The following BRD10 variants were observed in gnomAD, a reference collection of about 807,000 sequenced individuals.
The protein encoded by BRD10 is uncharacterized bromodomain-containing protein 10.
At chr9:5,912,500 G>C in the BRD10 span, among the ~76,000 whole-genome samples, 1 of 152,114 alleles carries the variant, frequency 6.6e-6, no homozygotes, top group Non-Finnish European at 1.5e-5. Context: ...GAAATATTAA[G>C]ACATTGCCAT....
chr9:5,973,718 A>G, the BRD10 span, among the ~76,000 whole-genome samples: 6 of 151,970 alleles, frequency 3.9e-5, no homozygotes, highest in African/African-American at 1.5e-4. Flanking sequence ...GCGAGATTTC[A>G]TCTCTTAAAA....
chr9:5,891,312 G>A, the BRD10 span: 3 of 152,230 alleles, frequency 2.0e-5, no homozygotes, highest in Non-Finnish European at 4.4e-5. Flanking sequence ...GGTATGGGAT[G>A]TATTAAAACA....
At chr9:5,987,501 T>C in the BRD10 span, among the ~76,000 whole-genome samples, 6 of 152,084 alleles carry the variant, frequency 3.9e-5, no homozygotes, top group Admixed American at 3.9e-4. Flanking sequence ...TGTGAAGCTC[T>C]GCACAAGGAA....
At chr9:5,917,392 A>T in the BRD10 span, among the ~76,000 whole-genome samples, 2 of 152,326 alleles carry the variant, frequency 1.3e-5, no homozygotes, top group East Asian at 1.9e-4. Context: ...AGTGAACAAG[A>T]GGGAGAACAG....
the BRD10 span, among the ~76,000 whole-genome samples, chr9:5,940,224 A>G: frequency 6.6e-6 from 1 of 152,062 alleles, no homozygotes. Flanking sequence ...CCCAGGCTGG[A>G]GTGCACTGGT....
chr9:6,007,365 C>G, the BRD10 span: 1 of 1,613,298 alleles, frequency 6.2e-7, no homozygotes, highest in South Asian at 1.1e-5. Flanking sequence ...TCTCTTCCAT[C>G]TGCAGCAGAC....
At chr9:5,975,354 G>T in the BRD10 span, among the ~76,000 whole-genome samples, 1 of 145,278 alleles carries the variant, frequency 6.9e-6, no homozygotes, top group East Asian at 2.0e-4. Context: ...CAGAAGAATC[G>T]CTTGAACCTG....
At chr9:5,935,280 C>A in the BRD10 span, among the ~76,000 whole-genome samples, 1 of 152,174 alleles carries the variant, frequency 6.6e-6, no homozygotes, top group Non-Finnish European at 1.5e-5. Flanking sequence ...GTATATCCAA[C>A]ATTTCCATTA....
chr9:5,883,055 T>G, the BRD10 span, among the ~76,000 whole-genome samples: 2 of 152,084 alleles, frequency 1.3e-5, no homozygotes, highest in Non-Finnish European at 2.9e-5. Flanking sequence ...ATATACCTAA[T>G]GTAAATGACG....
the BRD10 span, chr9:5,924,635 T>TA: frequency 4.2e-4 from 594 of 1,404,638 alleles, no homozygotes; most frequent in African/African-American, 1.0e-3. Context: ...AGTGTTGACT[T>TA]AAAAAAAAAG....
At chr9:6,000,422 C>T in the BRD10 span, among the ~76,000 whole-genome samples, 134,702 of 152,126 alleles carry the variant, frequency 0.89, 60,709 homozygotes, top group Non-Finnish European at 0.99. Context: ...CTTACAGAGA[C>T]AGCCTAAAGA....
chr9:6,008,175 G>C, the BRD10 span: 3 of 975,620 alleles, frequency 3.1e-6, no homozygotes, highest in South Asian at 4.7e-5. Context: ...CGGGGGGCTG[G>C]GAGGGGGCGA....
chr9:5,947,467 T>C, the BRD10 span, among the ~76,000 whole-genome samples: 1 of 152,146 alleles, frequency 6.6e-6, no homozygotes, highest in African/African-American at 2.4e-5. Context: ...GAATTAAATG[T>C]ACGATAAGAC....
chr9:5,968,366 G>C, the BRD10 span: 1 of 1,610,376 alleles, frequency 6.2e-7, no homozygotes, highest in South Asian at 1.1e-5. Context: ...TATTCTGGAA[G>C]CTTCACCGTA....
chr9:5,951,341 C>A, the BRD10 span, among the ~76,000 whole-genome samples: 5 of 137,832 alleles, frequency 3.6e-5, no homozygotes, highest in South Asian at 7.0e-4. Context: ...AAAAAAAAAA[C>A]TTCACAATTT....
At chr9:5,921,979 T>A in the BRD10 span, 2 of 1,612,362 alleles carry the variant, frequency 1.2e-6, no homozygotes, top group Non-Finnish European at 1.7e-6. Flanking sequence ...ATGTAGTAGT[T>A]GTTCCAGCTA....
At chr9:5,995,996 G>A in the BRD10 span, among the ~76,000 whole-genome samples, 1 of 152,104 alleles carries the variant, frequency 6.6e-6, no homozygotes, top group African/African-American at 2.4e-5. Context: ...GGAGATTTGG[G>A]CTAGAAATAT....
the BRD10 span, among the ~76,000 whole-genome samples, chr9:5,953,128 TCTAA>T: frequency 3.9e-5 from 6 of 152,170 alleles, no homozygotes; most frequent in African/African-American, 9.7e-5. Flanking sequence ...TTTAGATATA[TCTAA>T]CTATTAAACT....
the BRD10 span, among the ~76,000 whole-genome samples, chr9:5,945,534 A>G: frequency 6.6e-6 from 1 of 152,234 alleles, no homozygotes; most frequent in East Asian, 1.9e-4. Flanking sequence ...TAATAAAACC[A>G]TCTCCACAGA....
Sources: allele counts gnomAD v4.1 joint callset (sites outside exome capture counted in the v4.1 genomes callset), GRCh38; gene constraint gnomAD v4.1.1; transcripts MANE v1.5; gene names NCBI Gene and HGNC (gene_info 2026-07-23, HGNC 2026-07-21).